PARD3B: variants seen among roughly 807,000 people sequenced by gnomAD.
PARD3B encodes the protein par-3 family cell polarity regulator beta.
In PARD3B, 103 loss-of-function variants were observed where a neutral mutation model predicts 130.2. The observed-to-expected ratio is 0.79, with a 90% CI of 0.67 to 0.93. The LOEUF is 0.93. Among genes scored for constraint, PARD3B ranks in the 40% least tolerant of loss-of-function variants. PARD3B has a pLI of 0.00. For missense variants in PARD3B, 1,609 were observed against 1,499.2 expected, an observed-to-expected ratio of 1.07 and a Z score of -1.21; for synonymous variants, 583 against 553.2, an observed-to-expected ratio of 1.05 and a Z score of -0.76.
chr2:204,638,966 A>G, intron 1 of PARD3B, among the ~76,000 whole-genome samples: 1 of 151,770 alleles, frequency 6.6e-6, no homozygotes, highest in East Asian at 1.9e-4. Context: ...TCCTTGGGCA[A>G]TTTTTTTTAA....
intron 21 of PARD3B, among the ~76,000 whole-genome samples, chr2:205,540,691 CT>C (rs1448012474): frequency 6.6e-6 from 1 of 152,148 alleles, no homozygotes; most frequent in Non-Finnish European, 1.5e-5. Flanking sequence ...CAGAAACTTC[CT>C]CTATTAGTGC....
chr2:204,608,887 C>A (rs925247386), intron 1 of PARD3B, among the ~76,000 whole-genome samples: 1 of 152,122 alleles, frequency 6.6e-6, no homozygotes, highest in Non-Finnish European at 1.5e-5. Context: ...AACTGTGAAA[C>A]CTGATTTAAA....
At chr2:204,965,845 T>C (rs2125856239) in intron 3 of PARD3B, among the ~76,000 whole-genome samples, 1 of 152,360 alleles carries the variant, frequency 6.6e-6, no homozygotes, top group East Asian at 1.9e-4. Context: ...TCATTATATT[T>C]GTAGAATGAG....
intron 1 of PARD3B, among the ~76,000 whole-genome samples, chr2:204,680,065 G>A (rs76795734): frequency 6.6e-6 from 1 of 151,894 alleles, no homozygotes; most frequent in East Asian, 1.9e-4. Flanking sequence ...TCAAATTTAT[G>A]CTATCTTTTT....
At chr2:204,816,441 C>T (rs749380290) in intron 2 of PARD3B, among the ~76,000 whole-genome samples, 16 of 151,852 alleles carry the variant, frequency 1.1e-4, no homozygotes, top group East Asian at 1.9e-4. Flanking sequence ...TCTGGTGATA[C>T]ATTTTTGCAG....
intron 1 of PARD3B, among the ~76,000 whole-genome samples, chr2:204,603,317 GACTTTATTTTAGC>G (rs2033588469): frequency 6.6e-6 from 1 of 152,002 alleles, no homozygotes; most frequent in Admixed American, 6.6e-5. Flanking sequence ...GTATTAGAAA[GACTTTATTTTAGC>G]TGCAGTTGAA....
intron 2 of PARD3B, among the ~76,000 whole-genome samples, chr2:204,874,679 T>A (rs1275862296): frequency 2.0e-5 from 3 of 152,262 alleles, no homozygotes; most frequent in East Asian, 3.9e-4. Context: ...TCACCACCAC[T>A]CCAACAGAGA....
intron 21 of PARD3B, among the ~76,000 whole-genome samples, chr2:205,546,014 G>T (rs923197353): frequency 6.6e-6 from 1 of 152,138 alleles, no homozygotes; most frequent in Non-Finnish European, 1.5e-5. Flanking sequence ...GTAAAGAAAA[G>T]ACTAATAGCT....
chr2:204,869,552 A>G (rs2045556659), intron 2 of PARD3B, among the ~76,000 whole-genome samples: 1 of 152,136 alleles, frequency 6.6e-6, no homozygotes, highest in Non-Finnish European at 1.5e-5. Context: ...CCGAGATTAT[A>G]TTTAGGAATA....
chr2:204,651,171 C>T (rs2035463839), intron 1 of PARD3B, among the ~76,000 whole-genome samples: 1 of 152,190 alleles, frequency 6.6e-6, no homozygotes, highest in African/African-American at 2.4e-5. Flanking sequence ...CCCCCAAAGT[C>T]TTAACTCATT....
chr2:204,892,216 G>A (rs1027552214), intron 2 of PARD3B, among the ~76,000 whole-genome samples: 1 of 152,138 alleles, frequency 6.6e-6, no homozygotes, highest in Non-Finnish European at 1.5e-5. Context: ...CCATAGTCTG[G>A]AGTGTGCTTA....
intron 16 of PARD3B, among the ~76,000 whole-genome samples, chr2:205,270,619 CAT>C (rs1004221923): frequency 6.6e-6 from 1 of 151,620 alleles, no homozygotes; most frequent in Non-Finnish European, 1.5e-5. Context: ...CTATTGGTGA[CAT>C]AAAGAAGTAA....
At chr2:204,681,812 C>T (rs1349359479) in intron 1 of PARD3B, among the ~76,000 whole-genome samples, 2 of 152,070 alleles carry the variant, frequency 1.3e-5, no homozygotes, top group African/African-American at 4.8e-5. Flanking sequence ...GGGGAGAATG[C>T]CCCCAGGAGA....
intron 1 of PARD3B, among the ~76,000 whole-genome samples, chr2:204,650,043 A>G (rs562019756): frequency 1.3e-5 from 2 of 152,370 alleles, no homozygotes; most frequent in African/African-American, 2.4e-5. Flanking sequence ...TCCAGTATAT[A>G]TAAGGAACTT....
At chr2:204,825,704 A>G (rs895810933) in intron 2 of PARD3B, among the ~76,000 whole-genome samples, 1 of 152,224 alleles carries the variant, frequency 6.6e-6, no homozygotes, top group African/African-American at 2.4e-5. Context: ...TCTCCTATAT[A>G]TAGTTTCCCA....
chr2:205,559,473 A>AAGTT (rs2053044472), intron 22 of PARD3B, among the ~76,000 whole-genome samples: 2 of 151,992 alleles, frequency 1.3e-5, no homozygotes, highest in Admixed American at 1.3e-4. Context: ...ATATACAAGG[A>AAGTT]AGTTATGGGA....
chr2:205,361,150 G>A (rs764987421), intron 18 of PARD3B, among the ~76,000 whole-genome samples: 14 of 152,224 alleles, frequency 9.2e-5, no homozygotes, highest in East Asian at 5.8e-4. Context: ...GCAAATGGGC[G>A]TGCAACTTAT....
chr2:204,575,179 T>C (rs1314603888), intron 1 of PARD3B, among the ~76,000 whole-genome samples: 1 of 152,238 alleles, frequency 6.6e-6, no homozygotes, highest in Non-Finnish European at 1.5e-5. Context: ...TTACAATCTG[T>C]ATATTGTTAA....
chr2:205,579,601 C>T (rs1249159018), intron 22 of PARD3B, among the ~76,000 whole-genome samples: 1 of 152,184 alleles, frequency 6.6e-6, no homozygotes, highest in Non-Finnish European at 1.5e-5. Context: ...TTGCAAATCA[C>T]ATTTTGTGGC....
Sources: gnomAD v4.1 joint callset for allele counts (sites outside exome capture counted in the v4.1 genomes callset) on GRCh38, gnomAD v4.1.1 for gene constraint, MANE v1.5 for transcripts, NCBI Gene and HGNC (gene_info 2026-07-23, HGNC 2026-07-21) for gene names.